The following KIR3DL2 variants were observed in gnomAD, a reference collection of about 807,000 sequenced individuals.
KIR3DL2 encodes the protein killer cell immunoglobulin-like receptor 3DL2.
A neutral mutation model predicts 41.6 loss-of-function variants in KIR3DL2; 42 were observed. That is an observed-to-expected ratio of 1.01 (90% CI 0.79 to 1.31). The LOEUF (loss-of-function observed/expected upper bound fraction) is 1.31. Ranked by LOEUF, KIR3DL2 falls within the 50% of genes most tolerant of loss-of-function variation. KIR3DL2 has a pLI of 0.00. For missense variants in KIR3DL2, 728 were observed against 576.8 expected, an observed-to-expected ratio of 1.26 and a Z score of -2.68; for synonymous variants, 230 against 221.3, an observed-to-expected ratio of 1.04 and a Z score of -0.35.
chr19:54,862,441 G>A (rs2065240913), intron 6 of KIR3DL2, among the ~76,000 whole-genome samples: 1 of 152,080 alleles, frequency 6.6e-6, no homozygotes, highest in African/African-American at 2.4e-5. Context: ...TCACTCCAGG[G>A]AGACAGAACA....
chr19:54,864,588 G>C (rs1012984688), intron 6 of KIR3DL2, among the ~76,000 whole-genome samples: 6 of 151,828 alleles, frequency 4.0e-5, no homozygotes, highest in African/African-American at 9.7e-5. Flanking sequence ...TTGTAAGTTG[G>C]ATTCCTAGGT....
chr19:54,865,123 T>C (rs1460969766), intron 6 of KIR3DL2, among the ~76,000 whole-genome samples: 1 of 151,952 alleles, frequency 6.6e-6, no homozygotes, highest in African/African-American at 2.4e-5. Context: ...AGTCGTCCGG[T>C]TTTTGTCTTT....
intron 7 of KIR3DL2, 26 bp from the exon 8 acceptor site, chr19:54,866,344 G>A: frequency 1.9e-6 from 3 of 1,613,788 alleles, no homozygotes; most frequent in Non-Finnish European, 1.7e-6. Context: ...CCTCCAAGCG[G>A]TTTTGATGAC....
At chr19:54,862,802 CTT>C (rs1210198153) in intron 6 of KIR3DL2, among the ~76,000 whole-genome samples, 7,447 of 79,862 alleles carry the variant, frequency 0.093, 133 homozygotes, top group Middle Eastern at 0.17. Flanking sequence ...TGGGTTACTT[CTT>C]TTTTTTTTTT....
intron 1 of KIR3DL2, 29 bp downstream of exon 1, chr19:54,850,538 G>T: frequency 1.2e-6 from 2 of 1,608,492 alleles, no homozygotes; most frequent in South Asian, 2.2e-5. Context: ...TAGAGGGAGG[G>T]AGAGTGGGGA....
chr19:54,865,029 C>T (rs1388366089), intron 6 of KIR3DL2, among the ~76,000 whole-genome samples: 1 of 152,094 alleles, frequency 6.6e-6, no homozygotes, highest in African/African-American at 2.4e-5. Context: ...TGAGATACGT[C>T]CCATCAATGC....
intron 4 of KIR3DL2, 105 bp from the exon 5 acceptor site, chr19:54,855,514 G>C (rs1264685673): frequency 2.5e-5 from 37 of 1,466,582 alleles, no homozygotes; most frequent in Non-Finnish European, 3.2e-5. Flanking sequence ...GAGAGAGAGA[G>C]AGAGCATTAG....
At chr19:54,863,102 G>A (rs12980764) in intron 6 of KIR3DL2, among the ~76,000 whole-genome samples, 51,356 of 145,000 alleles carry the variant, frequency 0.35, 8,996 homozygotes, top group South Asian at 0.4. Context: ...GAGAACATGC[G>A]GTGTTTGGAT....
chr19:54,852,090 T>C lies in KIR3DL2; in HGVS notation c.163T>C (p.Phe55Leu). 6.2e-7 allele frequency: 1 copy of C among 1,612,558 alleles called. No individual in the cohort carries two copies. Among genetic ancestry groups the C allele is most frequent in the Non-Finnish European group, 8.5e-7 (1 of 1,179,466 alleles). The change falls in exon 3 of 9, where the codon TTT (phenylalanine) becomes CTT (leucine). Residue 55 changes from phenylalanine to leucine, a missense_variant. Coordinates refer to ENST00000326321, the MANE Select transcript of KIR3DL2 (RefSeq NM_006737.4). Reference protein sequence around the residue: ...VALQCHYRRGFNNFMLYKEDR... With the variant: ...VALQCHYRRGLNNFMLYKEDR... ...TCTTCAGTGTCACTATCGTCGTGGG[T>C]TTAACAATTTCATGCTGTACAAAGA...
Position 54,852,143 on chromosome 19 carries a change from C to A in KIR3DL2, c.216C>A (p.His72Gln), listed in dbSNP as rs201432707. 13 of 1,612,156 alleles carry A rather than the reference C, an allele frequency of 8.1e-6. No homozygotes were observed. The highest frequency in any genetic ancestry group is 1.6e-4 in the Middle Eastern group (1 of 6,072). ...ACAGAAGCCACGTTCCCATCTTCCACGGCAGAATATTCCAGGAGAGCTTCA... is the reference window on the plus strand; with the variant it reads ...ACAGAAGCCACGTTCCCATCTTCCAAGGCAGAATATTCCAGGAGAGCTTCA... Reference protein sequence around the residue: ...KEDRSHVPIFHGRIFQESFIM... With the variant: ...KEDRSHVPIFQGRIFQESFIM... Residue 72 changes from histidine to glutamine, a missense_variant, in exon 3 of 9, where the codon CAC becomes CAA. Coordinates refer to ENST00000326321, the MANE Select transcript of KIR3DL2 (RefSeq NM_006737.4).
rs1241995876 is a variant in KIR3DL2, at chr19:54,859,281, C to G, written c.1000+152C>G. 11 of 857,892 alleles carry G rather than the reference C, an allele frequency of 1.3e-5. No individual in the cohort carries two copies. The East Asian group carries it at 2.7e-4, about 21-fold the overall frequency. 53.1% of individuals were successfully genotyped at this position (857,892 alleles called of 1,614,324 possible). A position where few individuals can be genotyped will look rare whatever the true frequency, so the allele number is the denominator to read the frequency against. On this transcript the variant is annotated intron_variant, in intron 6 of 8. Coordinates refer to ENST00000326321, the MANE Select transcript of KIR3DL2 (RefSeq NM_006737.4). ...CAGACACTCCAACAGTGAAAGGGAT[C>G]TAGGGCCACCAAAGGGCTCAGCGAA...
chr19:54,851,086 A>G lies in KIR3DL2; in HGVS notation c.35-134A>G, dbSNP rs1601715371. On this transcript the variant is annotated intron_variant, in intron 1 of 8. Coordinates refer to ENST00000326321, the MANE Select transcript of KIR3DL2 (RefSeq NM_006737.4). ...CACAGCTGAGAGCCCTGTTCTTGGC[A>G]GCAGGTAGCAGGGAGGCTAAGTTTA... 4 of 1,110,950 alleles carry G rather than the reference A, an allele frequency of 3.6e-6. No individual in the cohort carries two copies. The South Asian group carries it at 4.9e-5, about 14-fold the overall frequency. 68.8% of individuals were successfully genotyped at this position (1,110,950 alleles called of 1,614,324 possible). A position where few individuals can be genotyped will look rare whatever the true frequency, so the allele number is the denominator to read the frequency against.
intron 6 of KIR3DL2, among the ~76,000 whole-genome samples, chr19:54,862,437 C>T (rs1299248272): frequency 6.6e-6 from 1 of 152,090 alleles, no homozygotes; most frequent in Non-Finnish European, 1.5e-5. Flanking sequence ...ACCGTCACTC[C>T]AGGGAGACAG....
intron 6 of KIR3DL2, among the ~76,000 whole-genome samples, chr19:54,862,228 A>G (rs371756465): frequency 2.7e-4 from 41 of 152,240 alleles, no homozygotes; most frequent in African/African-American, 9.1e-4. Flanking sequence ...GTTTGACATA[A>G]GAGAATTCTA....
In KIR3DL2 at chr19:54,866,469, T is replaced by C. The variant is rs185777030; in HGVS notation, c.1158+47T>C. On this transcript the variant is annotated intron_variant, in intron 8 of 8. Transcript: ENST00000326321. ...CTCACGGATACAGTCTTATCCCTAA[T>C]AGTCCTGAAAAATGTGAGCACCCTC... 108 of 1,613,890 alleles carry C rather than the reference T, an allele frequency of 6.7e-5. No homozygotes were observed. In the African/African-American group the frequency reaches 1.1e-3, roughly 17 times the overall value.
At position 54,865,924 on chromosome 19, in the gene KIR3DL2, G is replaced by T. The variant is rs746948969; in HGVS notation, c.1105+15G>T. ...CAACAAAAAGAGTAAGTCTCACGAA[G>T]CAGAGGCCAGAGAGCTCAGGGCCAT... On this transcript the variant is annotated intron_variant, in intron 7 of 8. Transcript: ENST00000326321. The T allele has an allele frequency of 1.4e-5, 22 of 1,602,008 alleles. No individual in the cohort carries two copies. The highest frequency in any genetic ancestry group is 1.9e-5 in the Non-Finnish European group (22 of 1,169,988).
chr19:54,850,789 CTGGGCCTGGAGTGGAGATA>C (rs61109029), intron 1 of KIR3DL2, among the ~76,000 whole-genome samples: 5,825 of 33,992 alleles, frequency 0.17, 486 homozygotes, highest in East Asian at 0.43. Flanking sequence ...AGGTGGAGAT[CTGGGCCTGGAGTGGAGATA>C]TGGGCCTGGA....
At chr19:54,862,577 T>C (rs2145706544) in intron 6 of KIR3DL2, among the ~76,000 whole-genome samples, 1 of 151,800 alleles carries the variant, frequency 6.6e-6, no homozygotes, top group East Asian at 1.9e-4. Flanking sequence ...ACATATGGAG[T>C]CACCTCATTT....
chr19:54,853,877 G>A lies in KIR3DL2; in HGVS notation c.486G>A (p.Glu162=). Residue 162 remains glutamate (E), a synonymous_variant, in exon 4 of 9, where the codon GAG becomes GAA. Coordinates refer to ENST00000326321, the MANE Select transcript of KIR3DL2 (RefSeq NM_006737.4). ...HFFLHREGIS[E]DPSRLVGQIH... The stretch of plus-strand genomic sequence containing the variant: ...TTCTGCACAGAGAGGGGATCTCTGA[G>A]GACCCCTCACGCCTCGTTGGACAGA... 1.2e-6 allele frequency: 2 copies of A among 1,613,260 alleles called. No homozygotes were observed. The highest frequency in any genetic ancestry group is 2.2e-5 in the South Asian group (2 of 91,080).
Sources: allele counts gnomAD v4.1 joint callset (sites outside exome capture counted in the v4.1 genomes callset), GRCh38; gene constraint gnomAD v4.1.1; transcripts MANE v1.5; gene names NCBI Gene and HGNC (gene_info 2026-07-23, HGNC 2026-07-21).